IQUB: variants seen among roughly 807,000 people sequenced by gnomAD.
The protein encoded by IQUB is IQ motif and ubiquitin-like domain-containing protein.
A neutral mutation model predicts 86.4 loss-of-function variants in IQUB; 86 were observed. The ratio of observed to expected loss-of-function variants is 1.00; its 90% CI spans 0.84 to 1.19. The LOEUF is 1.19. Ranked by LOEUF, IQUB falls within the 50% of genes most tolerant of loss-of-function variation. The pLI is 0.00. For missense variants in IQUB, 946 were observed against 916.9 expected (o/e 1.03, Z -0.41); for synonymous variants, 289 against 304.5 (o/e 0.95, Z 0.53).
chr7:123,512,299 G>A lies in IQUB; in HGVS notation c.42C>T (p.Val14=). 1 of 1,600,536 alleles carries A rather than the reference G, an allele frequency of 6.2e-7. No individual in the cohort carries two copies. The highest frequency in any genetic ancestry group is 8.5e-7 in the Non-Finnish European group (1 of 1,169,636). ...QQEKYEAQNI[V]NSTEESDDAF... ...CATCATCACTCTCTTCTGTTGAATT[G>A]ACTATATTCTGAGCTTCATACTTCT... Residue 14 remains valine, a synonymous_variant, in exon 2 of 13, where the codon GTC becomes GTT. Coordinates refer to ENST00000324698, the MANE Select transcript of IQUB (RefSeq NM_178827.5).
At chr7:123,475,488 G>A (rs1794708906) in intron 8 of IQUB, among the ~76,000 whole-genome samples, 1 of 150,884 alleles carries the variant, frequency 6.6e-6, no homozygotes, top group Non-Finnish European at 1.5e-5. Flanking sequence ...TCATATGTTG[G>A]GCCTTGATCC....
intron 6 of IQUB, among the ~76,000 whole-genome samples, chr7:123,500,375 T>C (rs1007408295): frequency 1.3e-5 from 2 of 151,900 alleles, no homozygotes; most frequent in Non-Finnish European, 2.9e-5. Context: ...AAGAAACATT[T>C]ATTCAAACCA....
rs754506374 is a variant in IQUB, at chr7:123,469,257, T to A, written c.1538A>T (p.Asp513Val). 15 of 1,605,724 alleles carry A rather than the reference T, an allele frequency of 9.3e-6. No homozygotes were observed. The Admixed American group carries it at 2.4e-4, about 26-fold the overall frequency. Residue 513 changes from aspartate (D) to valine (V), a missense_variant, in exon 9 of 13, where the codon GAT becomes GTT. By Grantham distance (152) the Asp-to-Val change is radical. Transcript: ENST00000324698. ...AGTTAACAGCACATCCAGCCTCTCA[T>A]CTTGGGAGATATTTTTCAGCATAAT... ...KCIMLKNISQ[D>V]ERLDVLLTLK...
chr7:123,476,752 G>A (rs1313837881), intron 8 of IQUB, among the ~76,000 whole-genome samples: 1 of 151,404 alleles, frequency 6.6e-6, no homozygotes, highest in African/African-American at 2.4e-5. Flanking sequence ...GGGGAGATAG[G>A]AAGGCCTATT....
intron 7 of IQUB, among the ~76,000 whole-genome samples, chr7:123,496,422 G>A (rs1207725442): frequency 6.6e-6 from 1 of 152,056 alleles, no homozygotes; most frequent in Non-Finnish European, 1.5e-5. Context: ...TATCTCACAT[G>A]AATGAGGATC....
chr7:123,484,103 CT>C (rs1298918230), intron 7 of IQUB, among the ~76,000 whole-genome samples: 1 of 152,018 alleles, frequency 6.6e-6, no homozygotes, highest in African/African-American at 2.4e-5. Flanking sequence ...AGGTCTAACA[CT>C]TGCCAGTCAT....
intron 5 of IQUB, 90 bp from the exon 6 acceptor site, chr7:123,502,842 T>C: frequency 5.9e-6 from 8 of 1,362,892 alleles, no homozygotes; most frequent in Non-Finnish European, 8.1e-6. Flanking sequence ...TTTTCTTTTA[T>C]TAATTGCCAT....
At chr7:123,484,501 T>C (rs1019623338) in intron 7 of IQUB, among the ~76,000 whole-genome samples, 1 of 152,082 alleles carries the variant, frequency 6.6e-6, no homozygotes, top group Non-Finnish European at 1.5e-5. Flanking sequence ...TATATGGATG[T>C]ACTGCAAAAG....
intron 1 of IQUB, among the ~76,000 whole-genome samples, chr7:123,520,822 T>G (rs1796870274): frequency 1.3e-5 from 2 of 152,030 alleles, no homozygotes; most frequent in Admixed American, 6.6e-5. Context: ...CTGACTGGAT[T>G]CTGGATATAT....
At chr7:123,494,048 C>T (rs1194234457) in intron 7 of IQUB, among the ~76,000 whole-genome samples, 1 of 151,928 alleles carries the variant, frequency 6.6e-6, no homozygotes, top group African/African-American at 2.4e-5. Flanking sequence ...CATAATTCTG[C>T]CTATATAAAA....
chr7:123,507,021 T>A (rs544471742), intron 3 of IQUB, among the ~76,000 whole-genome samples: 57 of 152,332 alleles, frequency 3.7e-4, no homozygotes, highest in Non-Finnish European at 7.5e-4. Context: ...CTGTTTTGTG[T>A]CATGGAAACT....
intron 2 of IQUB, among the ~76,000 whole-genome samples, chr7:123,510,393 G>T (rs1022994180): frequency 6.6e-6 from 1 of 152,048 alleles, no homozygotes; most frequent in African/African-American, 2.4e-5. Flanking sequence ...GAGTGTCCCA[G>T]AAGTTAGAAA....
At chr7:123,526,148 T>A (rs934730018) in intron 1 of IQUB, among the ~76,000 whole-genome samples, 1 of 138,518 alleles carries the variant, frequency 7.2e-6, no homozygotes, top group African/African-American at 2.5e-5. Flanking sequence ...GGAATAGGTG[T>A]GGTGTGGTGC....
At chr7:123,507,202 T>C (rs1357417986) in intron 3 of IQUB, among the ~76,000 whole-genome samples, 1 of 152,248 alleles carries the variant, frequency 6.6e-6, no homozygotes, top group African/African-American at 2.4e-5. Flanking sequence ...TTTATGATGA[T>C]GCAAAAGCCA....
intron 2 of IQUB, among the ~76,000 whole-genome samples, chr7:123,511,727 G>A (rs1340416550): frequency 6.6e-6 from 1 of 152,052 alleles, no homozygotes; most frequent in East Asian, 1.9e-4. Flanking sequence ...ATTTAATGAT[G>A]CTCATTCATT....
chr7:123,454,925 G>T (rs1429102135), intron 12 of IQUB, among the ~76,000 whole-genome samples: 1 of 151,950 alleles, frequency 6.6e-6, no homozygotes, highest in African/African-American at 2.4e-5. Context: ...CTACTGTAAA[G>T]GTCCTCCCCT....
chr7:123,494,944 G>A (rs1795644508), intron 7 of IQUB, among the ~76,000 whole-genome samples: 1 of 151,958 alleles, frequency 6.6e-6, no homozygotes, highest in East Asian at 1.9e-4. Context: ...AGATAACAAT[G>A]GTATCCTTTA....
rs1795992104 is a variant in IQUB, at chr7:123,502,596, C to T, written c.1023+1G>A. On this transcript the variant is annotated splice_donor_variant, in intron 6 of 12. Coordinates refer to ENST00000324698, the MANE Select transcript of IQUB (RefSeq NM_178827.5). LOFTEE classifies it high-confidence loss of function. ...TTCATCCACAATAAAAGTTATCTCA[C>T]CGCCTTTAGTCTTTGAGCATGGTAT... 6.2e-7 allele frequency: 1 copy of T among 1,608,302 alleles called. No individual in the cohort carries two copies. The highest frequency in any genetic ancestry group is 1.7e-5 in the Admixed American group (1 of 58,514).
At chr7:123,524,622 GA>G (rs1165831232) in intron 1 of IQUB, among the ~76,000 whole-genome samples, 1 of 150,914 alleles carries the variant, frequency 6.6e-6, no homozygotes, top group Non-Finnish European at 1.5e-5. Context: ...GGGTTTTCTA[GA>G]TATACAATCA....
Sources: gnomAD v4.1 joint callset for allele counts (sites outside exome capture counted in the v4.1 genomes callset) on GRCh38, gnomAD v4.1.1 for gene constraint, MANE v1.5 for transcripts, NCBI Gene and HGNC (gene_info 2026-07-23, HGNC 2026-07-21) for gene names.